Variants in ZNF600 observed in about 807,000 individuals in gnomAD.
ZNF600 encodes the protein zinc finger protein KR-ZNF1.
ZNF600 carries 4 observed loss-of-function variants against 7.3 expected under a neutral mutation model. The observed-to-expected ratio is 0.55, with a 90% confidence interval of 0.27 to 1.25. The LOEUF is 1.25. Among genes scored for constraint, ZNF600 ranks in the 50% most tolerant of loss-of-function variants. ZNF600 has a pLI of 0.12. For missense variants in ZNF600, 911 were observed against 922.1 expected, an observed-to-expected ratio of 0.99 and a Z score of 0.16; for synonymous variants, 290 against 308.9, an observed-to-expected ratio of 0.94 and a Z score of 0.64.
intron 2 of ZNF600, among the ~76,000 whole-genome samples, chr19:52,775,378 TG>T (rs1304645313): frequency 1.3e-5 from 2 of 152,094 alleles, no homozygotes; most frequent in East Asian, 3.9e-4. Flanking sequence ...GGCAAAACCA[TG>T]TCTCTACTAA....
the ZNF600 span, among the ~76,000 whole-genome samples, chr19:52,820,136 A>C: frequency 1.8e-3 from 208 of 114,702 alleles, 23 homozygotes; most frequent in African/African-American, 8.3e-3. Flanking sequence ...TTTGAGACGG[A>C]GTCTCGCTCT....
chr19:52,778,994 C>G, intron 1 of ZNF600, 87 bp from the exon 4 acceptor site: 1 of 1,291,554 alleles, frequency 7.7e-7, no homozygotes, highest in Non-Finnish European at 1.0e-6. Flanking sequence ...GAGACCTCAC[C>G]CAGCAGAAAG....
chr19:52,811,680 G>A, the ZNF600 span, among the ~76,000 whole-genome samples: 1 of 148,246 alleles, frequency 6.7e-6, no homozygotes, highest in Admixed American at 6.6e-5. Context: ...GAGAAGTGAG[G>A]AGCCCCTCCG....
chr19:52,812,327 G>T, the ZNF600 span, among the ~76,000 whole-genome samples: 1 of 141,888 alleles, frequency 7.0e-6, no homozygotes, highest in Non-Finnish European at 1.5e-5. Flanking sequence ...ATAGAAAGGC[G>T]GGAAGGGTGG....
chr19:52,809,829 G>A, the ZNF600 span: 4 of 552,806 alleles, frequency 7.2e-6, no homozygotes, highest in African/African-American at 2.0e-5. Flanking sequence ...CGAAGGCGGC[G>A]GCGGCGGCGG....
chr19:52,792,820 C>T, the ZNF600 span, among the ~76,000 whole-genome samples: 1 of 151,576 alleles, frequency 6.6e-6, no homozygotes, highest in Admixed American at 6.6e-5. Flanking sequence ...GCAAGCTCCG[C>T]CTCCCAGCTT....
the ZNF600 span, among the ~76,000 whole-genome samples, chr19:52,796,046 A>G: frequency 1.3e-5 from 2 of 152,118 alleles, no homozygotes; most frequent in Admixed American, 1.3e-4. Flanking sequence ...GCAATGGCGC[A>G]TGGCTGTGGT....
the ZNF600 span, chr19:52,817,919 C>G: frequency 6.2e-6 from 10 of 1,609,556 alleles, no homozygotes; most frequent in South Asian, 1.1e-4. Context: ...GGAGACAGAG[C>G]AATCCACCGA....
chr19:52,823,246 C>T, the ZNF600 span, among the ~76,000 whole-genome samples: 6 of 152,148 alleles, frequency 3.9e-5, no homozygotes, highest in Non-Finnish European at 7.4e-5. Flanking sequence ...CGGAGTCTTG[C>T]TCTGTTGCCC....
chr19:52,812,393 G>A, the ZNF600 span, among the ~76,000 whole-genome samples: 10 of 137,726 alleles, frequency 7.3e-5, no homozygotes, highest in Non-Finnish European at 1.5e-5. Context: ...AAGTAGACAT[G>A]GGAGACTTTT....
the ZNF600 span, among the ~76,000 whole-genome samples, chr19:52,832,653 A>G: frequency 2.6e-5 from 4 of 152,120 alleles, no homozygotes; most frequent in Non-Finnish European, 4.4e-5. Flanking sequence ...CTATCATTCA[A>G]GCTCTTTGGG....
At chr19:52,819,632 A>C in the ZNF600 span, among the ~76,000 whole-genome samples, 2 of 131,142 alleles carry the variant, frequency 1.5e-5, no homozygotes, top group Non-Finnish European at 3.1e-5. Context: ...TACCCTGAGA[A>C]GGTCTGAGAT....
the ZNF600 span, among the ~76,000 whole-genome samples, chr19:52,811,465 G>A: frequency 1.0e-4 from 15 of 148,324 alleles, no homozygotes; most frequent in South Asian, 8.6e-4. Flanking sequence ...CTTCCCCGCC[G>A]CCATCCCATC....
chr19:52,789,859 T>C (rs944949001), upstream of ZNF600, among the ~76,000 whole-genome samples: 1 of 151,888 alleles, frequency 6.6e-6, no homozygotes, highest in African/African-American at 2.4e-5. Flanking sequence ...GCGGGCTGAG[T>C]CCAAAAAGAG....
the ZNF600 span, chr19:52,810,755 G>GAA: frequency 3.8e-5 from 18 of 471,230 alleles, no homozygotes; most frequent in Admixed American, 2.3e-4. Flanking sequence ...GAAAGAAGGG[G>GAA]AAAAAAAAAG....
intron 1 of ZNF600, among the ~76,000 whole-genome samples, chr19:52,783,791 T>G (rs1204955964): frequency 6.6e-6 from 1 of 152,116 alleles, no homozygotes; most frequent in South Asian, 2.1e-4. Context: ...TTGTTTTTTG[T>G]TTGTTTGTTT....
chr19:52,825,518 A>G, the ZNF600 span, among the ~76,000 whole-genome samples: 2 of 151,956 alleles, frequency 1.3e-5, no homozygotes, highest in Admixed American at 6.6e-5. Flanking sequence ...TACTAAAAAT[A>G]TAACAATTAG....
At chr19:52,782,504 CAA>C (rs1485451508) in intron 1 of ZNF600, among the ~76,000 whole-genome samples, 1 of 146,822 alleles carries the variant, frequency 6.8e-6, no homozygotes, top group Non-Finnish European at 1.5e-5. Context: ...GCCTGGGCAA[CAA>C]GAGCAAAACT....
the ZNF600 span, among the ~76,000 whole-genome samples, chr19:52,828,992 C>T: frequency 4.6e-5 from 7 of 152,110 alleles, no homozygotes; most frequent in Admixed American, 2.0e-4. Context: ...TCCCGAGTAG[C>T]TGGGAACACA....
Sources: allele counts gnomAD v4.1 joint callset (sites outside exome capture counted in the v4.1 genomes callset), GRCh38; gene constraint gnomAD v4.1.1; transcripts MANE v1.5; gene names NCBI Gene and HGNC (gene_info 2026-07-23, HGNC 2026-07-21).